Variants in NKAIN2 observed in about 807,000 individuals in gnomAD.
The protein encoded by NKAIN2 is sodium/potassium transporting ATPase interacting 2.
In NKAIN2, 14 loss-of-function variants were observed where a neutral mutation model predicts 32.6. The observed-to-expected ratio is 0.43, with a 90% CI of 0.28 to 0.67. NKAIN2 has a LOEUF of 0.67. Among genes scored for constraint, NKAIN2 ranks in the 30% least tolerant of loss-of-function variants. The pLI, the probability that NKAIN2 is intolerant of heterozygous loss-of-function variation, is 0.17. For missense variants in NKAIN2, 198 were observed against 258.3 expected, an observed-to-expected ratio of 0.77 and a Z score of 1.60; for synonymous variants, 80 against 87.2, an observed-to-expected ratio of 0.92 and a Z score of 0.46.
At chr6:124,317,050 A>G (rs1190163656) in intron 2 of NKAIN2, among the ~76,000 whole-genome samples, 2 of 152,138 alleles carry the variant, frequency 1.3e-5, no homozygotes, top group African/African-American at 2.4e-5. Flanking sequence ...TTATAGTCCC[A>G]GCTGCTCTGG....
chr6:123,838,938 A>G (rs1161036265), intron 1 of NKAIN2, among the ~76,000 whole-genome samples: 1 of 152,220 alleles, frequency 6.6e-6, no homozygotes, highest in Non-Finnish European at 1.5e-5. Context: ...TTTCTCGCAT[A>G]TGGATAATGA....
At chr6:124,541,414 T>C (rs1779907663) in intron 3 of NKAIN2, among the ~76,000 whole-genome samples, 1 of 152,184 alleles carries the variant, frequency 6.6e-6, no homozygotes, top group Non-Finnish European at 1.5e-5. Context: ...TTGCTGAGCG[T>C]ATAATTTATA....
intron 1 of NKAIN2, among the ~76,000 whole-genome samples, chr6:123,959,191 C>G (rs990081022): frequency 2.0e-5 from 3 of 152,180 alleles, no homozygotes; most frequent in Non-Finnish European, 2.9e-5. Flanking sequence ...ATAGCATTCT[C>G]CCTTTGGAAC....
chr6:124,243,036 A>AT (rs1303545916), intron 1 of NKAIN2, among the ~76,000 whole-genome samples: 1 of 148,572 alleles, frequency 6.7e-6, no homozygotes, highest in African/African-American at 2.6e-5. Context: ...TTAAAGTATA[A>AT]TTAAAAAAAA....
At chr6:124,242,856 G>A (rs1307891006) in intron 1 of NKAIN2, among the ~76,000 whole-genome samples, 1 of 151,592 alleles carries the variant, frequency 6.6e-6, no homozygotes, top group African/African-American at 2.4e-5. Flanking sequence ...CATGGACACA[G>A]GGAGGGGAAC....
intron 1 of NKAIN2, among the ~76,000 whole-genome samples, chr6:124,107,891 A>G (rs1437597332): frequency 6.6e-6 from 1 of 152,046 alleles, no homozygotes; most frequent in Admixed American, 6.6e-5. Context: ...ATAATATTCC[A>G]TTGTATGTAT....
intron 1 of NKAIN2, among the ~76,000 whole-genome samples, chr6:124,255,018 G>T (rs2114820946): frequency 1.3e-5 from 2 of 152,244 alleles, no homozygotes; most frequent in Middle Eastern, 6.8e-3. Flanking sequence ...TAGGCCCCTT[G>T]GCTCCGATAG....
intron 3 of NKAIN2, among the ~76,000 whole-genome samples, chr6:124,424,743 A>T (rs1437790484): frequency 6.6e-6 from 1 of 152,148 alleles, no homozygotes; most frequent in Non-Finnish European, 1.5e-5. Flanking sequence ...ATTGTCATAA[A>T]TGGTAGGATT....
chr6:123,904,964 A>G (rs949293233), intron 1 of NKAIN2, among the ~76,000 whole-genome samples: 3 of 152,206 alleles, frequency 2.0e-5, no homozygotes, highest in African/African-American at 4.8e-5. Context: ...CATGAAATTC[A>G]TCACTGTTCA....
chr6:124,108,530 G>GC (rs1378891931), intron 1 of NKAIN2, among the ~76,000 whole-genome samples: 1 of 151,920 alleles, frequency 6.6e-6, no homozygotes, highest in Non-Finnish European at 1.5e-5. Flanking sequence ...TTCTGCAGAA[G>GC]CTTCTTAGTT....
chr6:124,085,404 G>T (rs1236164854), intron 1 of NKAIN2, among the ~76,000 whole-genome samples: 1 of 151,920 alleles, frequency 6.6e-6, no homozygotes, highest in Non-Finnish European at 1.5e-5. Flanking sequence ...TACTTGCAGA[G>T]TATCTATGTA....
intron 5 of NKAIN2, among the ~76,000 whole-genome samples, chr6:124,795,364 C>A (rs1779952788): frequency 6.6e-6 from 1 of 152,128 alleles, no homozygotes; most frequent in Admixed American, 6.5e-5. Context: ...CAGAAACCTC[C>A]AGGAAGCAAT....
In NKAIN2 at chr6:124,221,033, T is replaced by A. The variant is rs182292858; in HGVS notation, c.55-61972T>A. On this transcript the variant is annotated intron_variant, in intron 1 of 6. Transcript: ENST00000368417. ...CCAACAAAGTGCTAAGGTGAGAAAC[T>A]TTACTGAGGAGAAAATCAGCTTTGA... Among the ~76,000 whole-genome samples the A allele has an allele frequency of 5.9e-5, 9 of 152,188 alleles. No homozygotes were observed. In the East Asian group the frequency reaches 1.5e-3, roughly 26 times the overall value.
intron 3 of NKAIN2, among the ~76,000 whole-genome samples, chr6:124,411,212 G>T (rs1354252844): frequency 1.3e-5 from 2 of 152,120 alleles, no homozygotes; most frequent in African/African-American, 2.4e-5. Context: ...GTGTGAATTT[G>T]ATCCTGTCAT....
In NKAIN2 at chr6:124,740,374, ACT is replaced by A. The variant is rs570043630; in HGVS notation, c.475-50962_475-50961del. ...AATGGACCCATCAGAGAAGACAAAGACTCTTCCCTCATGGAGCTCATATTTCA... is the reference window on the plus strand; with the variant it reads ...AATGGACCCATCAGAGAAGACAAAGACTTCCCTCATGGAGCTCATATTTCA... On this transcript the variant is annotated intron_variant, in intron 4 of 6. Coordinates refer to ENST00000368417, the MANE Select transcript of NKAIN2 (RefSeq NM_001040214.3). Among the ~76,000 whole-genome samples the A allele has an allele frequency of 4.5e-4, 68 of 151,012 alleles. No homozygotes were observed. The South Asian group carries it at 0.013, about 30-fold the overall frequency.
intron 1 of NKAIN2, among the ~76,000 whole-genome samples, chr6:124,152,788 A>T (rs1395223172): frequency 1.3e-5 from 2 of 151,940 alleles, no homozygotes; most frequent in Non-Finnish European, 2.9e-5. Context: ...GGAAATAGAA[A>T]ATTTGGCATA....
chr6:124,534,333 T>C (rs1211011268), intron 3 of NKAIN2, among the ~76,000 whole-genome samples: 1 of 152,122 alleles, frequency 6.6e-6, no homozygotes, highest in Non-Finnish European at 1.5e-5. Flanking sequence ...GTATTTTTAG[T>C]AGAGACAAGG....
At chr6:123,939,963 G>T (rs540572058) in intron 1 of NKAIN2, among the ~76,000 whole-genome samples, 134 of 152,104 alleles carry the variant, frequency 8.8e-4, no homozygotes, top group Non-Finnish European at 1.6e-3. Flanking sequence ...TAGGCATGCT[G>T]AAACCCAGTG....
At chr6:124,132,036 T>A (rs1033002853) in intron 1 of NKAIN2, among the ~76,000 whole-genome samples, 1 of 152,164 alleles carries the variant, frequency 6.6e-6, no homozygotes, top group African/African-American at 2.4e-5. Flanking sequence ...GAGTTCTGCC[T>A]GCAGGCTGCC....
Sources: gnomAD v4.1 joint callset for allele counts (sites outside exome capture counted in the v4.1 genomes callset) on GRCh38, gnomAD v4.1.1 for gene constraint, MANE v1.5 for transcripts, NCBI Gene and HGNC (gene_info 2026-07-23, HGNC 2026-07-21) for gene names.